The following CALCR variants were observed in gnomAD, a reference collection of about 807,000 sequenced individuals.
The protein encoded by CALCR is calcitonin receptor.
In CALCR, 47 loss-of-function variants were observed where a neutral mutation model predicts 59.5. The observed-to-expected ratio is 0.79, with a 90% CI of 0.63 to 1.01. CALCR has a LOEUF of 1.01. CALCR is among the 50% of genes least tolerant of loss of function. The pLI is 0.00. For missense variants in CALCR, 566 were observed against 597.1 expected (o/e 0.95, Z 0.54); for synonymous variants, 213 against 211.3 (o/e 1.01, Z -0.07).
At chr7:93,560,498 G>A (rs1028980610) in intron 2 of CALCR, among the ~76,000 whole-genome samples, 1 of 151,826 alleles carries the variant, frequency 6.6e-6, no homozygotes, top group African/African-American at 2.4e-5. Context: ...CTTCAGCCAC[G>A]GCCTCCTTTA....
intron 2 of CALCR, among the ~76,000 whole-genome samples, chr7:93,560,884 T>G (rs1789730911): frequency 6.6e-6 from 1 of 152,170 alleles, no homozygotes; most frequent in Non-Finnish European, 1.5e-5. Context: ...ATGAACTACT[T>G]TAACTCATGC....
intron 5 of CALCR, among the ~76,000 whole-genome samples, chr7:93,474,394 AC>A (rs1197567119): frequency 4.0e-5 from 6 of 151,774 alleles, no homozygotes; most frequent in Admixed American, 1.3e-4. Context: ...ATACTGGTCA[AC>A]AATATTTTAA....
rs892439708 is a variant in CALCR, at chr7:93,424,883, A to G, written c.*1473T>C. On this transcript the variant is annotated 3_prime_UTR_variant, in exon 14 of 14. Coordinates refer to ENST00000426151, the MANE Select transcript of CALCR (RefSeq NM_001742.4). ...AAATTCATTTTCTCTGTAGAAATAT[A>G]ATTAATTTTCTCTGGGTGCGCTAAA... is the stretch of plus-strand genomic sequence containing the variant. The G allele has an allele frequency of 3.9e-5, 6 of 152,618 alleles. No homozygotes were observed. Among genetic ancestry groups the G allele is most frequent in the Admixed American group, 3.3e-4 (5 of 15,284 alleles). 9.5% of individuals were successfully genotyped at this position (152,618 alleles called of 1,614,324 possible).
rs10269878 is a variant in CALCR at position 93,460,821 on chromosome 7, C to G, written c.648G>C (p.Pro216=). ...VPNGELVRRD[P]VSCKILHFFH... ...AAAAACAAAACTATGCAGTACTTAC[C>G]GGGTCCCTTCGCACGAGCTCTCCAT... The change falls in exon 8 of 14, where the codon CCG becomes CCC. Residue 216 remains proline (P), a splice_region_variant and synonymous_variant. Coordinates refer to ENST00000426151, the MANE Select transcript of CALCR (RefSeq NM_001742.4). 6.2e-7 allele frequency: 1 copy of G among 1,600,818 alleles called. No homozygotes were observed. The highest frequency in any genetic ancestry group is 8.5e-7 in the Non-Finnish European group (1 of 1,174,320).
intron 11 of CALCR, among the ~76,000 whole-genome samples, chr7:93,437,059 A>G (rs1799796226): frequency 6.6e-6 from 1 of 151,930 alleles, no homozygotes. Flanking sequence ...ACTAATGTGC[A>G]TTTCCTTTAG....
chr7:93,504,897 TAGGG>T (rs1563000062), intron 2 of CALCR, among the ~76,000 whole-genome samples: 1 of 152,142 alleles, frequency 6.6e-6, no homozygotes, highest in Non-Finnish European at 1.5e-5. Context: ...GCAAGAATCT[TAGGG>T]GTGCAGCAAT....
chr7:93,490,939 G>C (rs1316596456), intron 2 of CALCR, among the ~76,000 whole-genome samples: 1 of 151,680 alleles, frequency 6.6e-6, no homozygotes, highest in Non-Finnish European at 1.5e-5. Flanking sequence ...AAAAAAACCT[G>C]TATAGCCAAG....
At chr7:93,545,463 G>A (rs1274265985) in intron 2 of CALCR, among the ~76,000 whole-genome samples, 2 of 152,064 alleles carry the variant, frequency 1.3e-5, no homozygotes, top group Middle Eastern at 3.2e-3. Flanking sequence ...CTCATATTAG[G>A]ATTATGTTGA....
chr7:93,528,580 T>G (rs1167997482), intron 2 of CALCR, among the ~76,000 whole-genome samples: 2 of 152,186 alleles, frequency 1.3e-5, no homozygotes, highest in Non-Finnish European at 2.9e-5. Context: ...TTCTAAAAAT[T>G]TTATGGTATA....
intron 12 of CALCR, 140 bp from the exon 13 acceptor site, chr7:93,434,434 C>A: frequency 1.7e-6 from 1 of 593,792 alleles, no homozygotes; most frequent in South Asian, 2.2e-5. Flanking sequence ...CATTCATAGT[C>A]AGTGCTGCAC....
At chr7:93,490,698 AG>A (rs1801054952) in intron 2 of CALCR, among the ~76,000 whole-genome samples, 1 of 152,000 alleles carries the variant, frequency 6.6e-6, no homozygotes, top group Admixed American at 6.6e-5. Context: ...ACAGCTAAAG[AG>A]GGATGTGAAG....
chr7:93,571,936 G>C (rs1366182702), intron 2 of CALCR, among the ~76,000 whole-genome samples: 1 of 152,090 alleles, frequency 6.6e-6, no homozygotes, highest in African/African-American at 2.4e-5. Context: ...TTTCAAAAGG[G>C]TACGTATTTG....
chr7:93,476,038 T>A (rs1382844167), intron 5 of CALCR, among the ~76,000 whole-genome samples: 1 of 151,826 alleles, frequency 6.6e-6, no homozygotes, highest in Non-Finnish European at 1.5e-5. Context: ...TCAAATTCTA[T>A]TGATCTGGAC....
At chr7:93,468,094 T>C (rs541915281) in intron 7 of CALCR, among the ~76,000 whole-genome samples, 4 of 151,900 alleles carry the variant, frequency 2.6e-5, no homozygotes, top group African/African-American at 9.6e-5. Flanking sequence ...AAATGTACCA[T>C]TCCTGTAAAG....
chr7:93,462,191 C>A, intron 7 of CALCR: 1 of 705,818 alleles, frequency 1.4e-6, no homozygotes, highest in South Asian at 1.9e-5. Context: ...TTCAACTTTT[C>A]GGGAAGCGAT....
Position 93,438,193 on chromosome 7 carries a change from A to C in CALCR, c.863+17T>G. On this transcript the variant is annotated intron_variant, in intron 10 of 13. Coordinates refer to ENST00000426151, the MANE Select transcript of CALCR (RefSeq NM_001742.4). Reference sequence around the variant, plus strand: ...TGTTTATGAATATGTTAACTTAAACATCACCATAATACTTACTTGTCATTG... The same window carrying C: ...TGTTTATGAATATGTTAACTTAAACCTCACCATAATACTTACTTGTCATTG... The C allele has an allele frequency of 2.5e-6, 4 of 1,612,164 alleles. No individual in the cohort carries two copies. The highest frequency in any genetic ancestry group is 2.5e-6 in the Non-Finnish European group (3 of 1,178,226).
intron 7 of CALCR, among the ~76,000 whole-genome samples, chr7:93,465,517 A>G (rs1800422121): frequency 6.6e-6 from 1 of 151,990 alleles, no homozygotes; most frequent in Admixed American, 6.6e-5. Context: ...TTCTATCTTT[A>G]ACTGGTGTAC....
intron 8 of CALCR, among the ~76,000 whole-genome samples, chr7:93,458,300 C>A (rs1800249061): frequency 6.6e-6 from 1 of 152,168 alleles, no homozygotes; most frequent in African/African-American, 2.4e-5. Flanking sequence ...ATGCTCTGGG[C>A]AGATTTCACG....
chr7:93,464,080 G>C (rs1298510884), intron 7 of CALCR, among the ~76,000 whole-genome samples: 1 of 151,982 alleles, frequency 6.6e-6, no homozygotes, highest in Non-Finnish European at 1.5e-5. Flanking sequence ...AAAGCAAAAA[G>C]TCATTTTCAT....
Sources: gnomAD v4.1 joint callset for allele counts (sites outside exome capture counted in the v4.1 genomes callset) on GRCh38, gnomAD v4.1.1 for gene constraint, MANE v1.5 for transcripts, NCBI Gene and HGNC (gene_info 2026-07-23, HGNC 2026-07-21) for gene names.